TMEM94: variants seen among roughly 807,000 people sequenced by gnomAD.
TMEM94 encodes the protein ER Mg2+ ATPase.
In TMEM94, 81 loss-of-function variants were observed where a neutral mutation model predicts 158.6. The ratio of observed to expected loss-of-function variants is 0.51; its 90% confidence interval spans 0.43 to 0.61. The LOEUF (loss-of-function observed/expected upper bound fraction) is 0.61. Among genes scored for constraint, TMEM94 ranks in the 20% least tolerant of loss-of-function variants. The pLI, the probability that TMEM94 is intolerant of heterozygous loss-of-function variation, is 0.00. For synonymous variants in TMEM94, 751 were observed against 730.7 expected, an observed-to-expected ratio of 1.03 and a Z score of -0.45; for missense variants, 1,435 against 1,762.0, an observed-to-expected ratio of 0.81 and a Z score of 3.32.
In TMEM94 at chr17:75,485,698, C is replaced by T; in HGVS notation, c.144+151C>T. On this transcript the variant is annotated intron_variant, in intron 3 of 31. Coordinates refer to ENST00000314256, the MANE Select transcript of TMEM94 (RefSeq NM_014738.6). This position sits in a 1 kb window ranked among gnomAD's most constrained non-coding sequence, Gnocchi z 5.5. ...ATATCAGAAAGAAGCCAAGGTTCCC[C>T]TCAGAGTGGCTCCTGAGCCTGCTTG... 1 of 1,340,072 alleles carries T rather than the reference C, an allele frequency of 7.5e-7. No individual in the cohort carries two copies. Among genetic ancestry groups the T allele is most frequent in the Non-Finnish European group, 1.0e-6 (1 of 977,654 alleles). The allele number at this position is 1,340,072 out of a possible 1,614,324, so 83.0% of individuals were successfully genotyped here.
At position 75,499,002 on chromosome 17, in the gene TMEM94, C is replaced by T; in HGVS notation, c.3918C>T (p.Pro1306=). Residue 1306 remains proline, a synonymous_variant, in exon 31 of 32, where the codon CCC becomes CCT. Coordinates refer to ENST00000314256, the MANE Select transcript of TMEM94 (RefSeq NM_014738.6). The part of the protein sequence containing the change: ...SHVHFGLEDV[P]LLTWLLGCLS... ...TCCACTTTGGCCTGGAGGACGTGCC[C>T]CTGCTGACATGGCTCCTGGGCTGCC... is the stretch of plus-strand genomic sequence containing the variant. 6.2e-7 allele frequency: 1 copy of T among 1,603,774 alleles called. No homozygotes were observed. Among genetic ancestry groups the T allele is most frequent in the Non-Finnish European group, 8.5e-7 (1 of 1,176,654 alleles).
chr17:75,463,106 GTATA>G (rs1317718088), intron 1 of TMEM94, among the ~76,000 whole-genome samples: 9 of 42,264 alleles, frequency 2.1e-4, no homozygotes, highest in East Asian at 5.7e-4. Context: ...ATATATGTGT[GTATA>G]TATATGTATA....
chr17:75,497,190 T>C lies in TMEM94; in HGVS notation c.3399T>C (p.Pro1133=), dbSNP rs1426658342. The C allele has an allele frequency of 1.2e-6, 2 of 1,613,440 alleles. No homozygotes were observed. Among genetic ancestry groups the C allele is most frequent in the Admixed American group, 3.3e-5 (2 of 59,986 alleles). The change falls in exon 26 of 32, where the codon CCT becomes CCC. Residue 1133 remains proline (P), a synonymous_variant. Transcript: ENST00000314256. The stretch of plus-strand genomic sequence containing the variant: ...TGTGGCTGTCCTGCTTTTGCTACCC[T>C]CTGCTCAGGTGAGATGCCATGTATC... ...DILWLSCFCY[P]LLSISLLGKP... is the part of the protein sequence containing the mutation.
intron 1 of TMEM94, among the ~76,000 whole-genome samples, chr17:75,462,499 TG>T (rs2050112580): frequency 6.6e-6 from 1 of 151,596 alleles, no homozygotes; most frequent in South Asian, 2.1e-4. Context: ...TTCCCTCTAG[TG>T]ATGGGAGCTC....
At chr17:75,490,157 G>A in intron 9 of TMEM94, 77 bp from the exon 10 acceptor site, 1 of 1,568,438 alleles carries the variant, frequency 6.4e-7, no homozygotes, top group Non-Finnish European at 8.6e-7. Context: ...ATGGCCGTGG[G>A]GCCAGGGCAG....
intron 1 of TMEM94, chr17:75,457,433 C>G (rs904343387): frequency 6.6e-6 from 1 of 152,312 alleles, no homozygotes; most frequent in Non-Finnish European, 1.5e-5. Flanking sequence ...CGGCCCCTGC[C>G]CGCTGCCCAG....
Position 75,488,801 on chromosome 17 carries a change from C to T in TMEM94, c.655C>T (p.Pro219Ser), listed in dbSNP as rs765523093. Residue 219 changes from proline (P) to serine (S), a missense_variant, in exon 7 of 32, where the codon CCC becomes TCC. Pro to Ser is a moderately conservative substitution (Grantham distance 74). Coordinates refer to ENST00000314256, the MANE Select transcript of TMEM94 (RefSeq NM_014738.6). ...CCTGGAGCCGGGAGACCTCTTCCCC[C>T]CCTTCTCCCCTCCACCCTCACCCCG... ...IVLEPGDLFPPFSPPPSPRGE... is the reference protein window; with the variant it reads ...IVLEPGDLFPSFSPPPSPRGE... 4.3e-6 allele frequency: 7 copies of T among 1,613,524 alleles called. No homozygotes were observed. Among genetic ancestry groups the T allele is most frequent in the South Asian group, 2.2e-5 (2 of 90,976 alleles).
intron 2 of TMEM94, among the ~76,000 whole-genome samples, chr17:75,482,038 C>A (rs1197701483): frequency 6.6e-6 from 1 of 150,562 alleles, no homozygotes; most frequent in Non-Finnish European, 1.5e-5. Context: ...ATCGAGGCCC[C>A]ATCTCTACAA....
At position 75,471,271 on chromosome 17, in the gene TMEM94, G is replaced by GA. The variant is rs1458455598; in HGVS notation, c.-106-525dup. Among the ~76,000 whole-genome samples the GA allele has an allele frequency of 2.7e-5, 4 of 149,206 alleles. No homozygotes were observed. In the East Asian group the frequency reaches 8.0e-4, roughly 30 times the overall value. ...AAAAAAAAAGAAAGAAAGAAAGAAAGAAAATGAAGGGTGAAAGAGAGAAAG... is the reference window on the plus strand; with the variant it reads ...AAAAAAAAAGAAAGAAAGAAAGAAAGAAAAATGAAGGGTGAAAGAGAGAAAG... On this transcript the variant is annotated intron_variant, in intron 1 of 31. Transcript: ENST00000314256.
intron 1 of TMEM94, chr17:75,459,893 G>T (rs2050009336): frequency 6.6e-6 from 1 of 152,162 alleles, no homozygotes; most frequent in Non-Finnish European, 1.5e-5. Flanking sequence ...TTTCCAAGCA[G>T]GCCTGGGTTT....
At chr17:75,467,721 A>T (rs1237305452) in intron 1 of TMEM94, among the ~76,000 whole-genome samples, 1 of 148,866 alleles carries the variant, frequency 6.7e-6, no homozygotes, top group Non-Finnish European at 1.5e-5. Flanking sequence ...TTTAGTAGAG[A>T]CGGGGTTTCA....
Position 75,498,936 on chromosome 17 carries a change from G to A in TMEM94, c.3852G>A (p.Thr1284=), listed in dbSNP as rs143232832. 1,042 of 1,562,148 alleles carry A rather than the reference G, an allele frequency of 6.7e-4. 6 individuals are homozygous for A. The Middle Eastern group carries it at 9.2e-3, about 14-fold the overall frequency. Residue 1284 remains threonine, a synonymous_variant, in exon 31 of 32, where the codon ACG becomes ACA. Transcript: ENST00000314256. The surrounding 1 kb of genome is among the most constrained non-coding windows in gnomAD (Gnocchi z 6.7). ...PVVLLGQVVQ[T]AVDLQLWTHR... ...GGCTGCTGGGTCAGGTGGTCCAGAC[G>A]GCTGTGGACCTGCAGCTGTGGACAC...
intron 1 of TMEM94, among the ~76,000 whole-genome samples, chr17:75,460,468 T>G (rs2050026990): frequency 6.6e-6 from 1 of 151,884 alleles, no homozygotes; most frequent in African/African-American, 2.4e-5. Flanking sequence ...GAATGTTGCT[T>G]AGCTATAAGG....
chr17:75,478,393 C>T (rs1213431911), intron 2 of TMEM94, among the ~76,000 whole-genome samples: 2 of 151,538 alleles, frequency 1.3e-5, no homozygotes, highest in South Asian at 4.2e-4. Flanking sequence ...GGGACAGGGC[C>T]TGGGGCTTGA....
chr17:75,458,594 T>C (rs1454398810), intron 1 of TMEM94, among the ~76,000 whole-genome samples: 1 of 149,806 alleles, frequency 6.7e-6, no homozygotes, highest in African/African-American at 2.5e-5. Flanking sequence ...GGGAGGTGGA[T>C]GCCAGAGGAT....
chr17:75,462,158 C>T (rs912413637), intron 1 of TMEM94, among the ~76,000 whole-genome samples: 1 of 151,036 alleles, frequency 6.6e-6, no homozygotes, highest in Admixed American at 6.6e-5. Context: ...CTACAGGCGC[C>T]CACCAGCACT....
intron 2 of TMEM94, among the ~76,000 whole-genome samples, chr17:75,482,518 A>G (rs1357266932): frequency 8.6e-6 from 1 of 116,264 alleles, no homozygotes; most frequent in Admixed American, 8.4e-5. Flanking sequence ...ATTTAAAAAT[A>G]TATATATATG....
In TMEM94 at chr17:75,495,278, CCA is replaced by C; in HGVS notation, c.2729-3_2729-2del. On this transcript the variant is annotated splice_polypyrimidine_tract_variant and splice_region_variant and intron_variant, in intron 20 of 31. Transcript: ENST00000314256. This position sits in a 1 kb window ranked among gnomAD's most constrained non-coding sequence, Gnocchi z 5.6. ...CAAGGTGAGGGAGAGGCTTTTGTCCCCACAGTGTCCCGAGATGATGCAGAAGG... is the reference window on the plus strand; with the variant it reads ...CAAGGTGAGGGAGAGGCTTTTGTCCCCAGTGTCCCGAGATGATGCAGAAGG... The C allele has an allele frequency of 6.3e-7, 1 of 1,594,338 alleles. No homozygotes were observed. The highest frequency in any genetic ancestry group is 1.7e-5 in the Admixed American group (1 of 57,672).
intron 6 of TMEM94, 134 bp downstream of exon 6, chr17:75,488,268 T>C: frequency 2.6e-6 from 2 of 768,892 alleles, no homozygotes; most frequent in Non-Finnish European, 4.3e-6. Flanking sequence ...CTGGAACATC[T>C]TCCTCCACCC....
Sources: gnomAD v4.1 joint callset for allele counts (sites outside exome capture counted in the v4.1 genomes callset) on GRCh38, gnomAD v4.1.1 for gene constraint, Gnocchi (gnomAD v3.1) non-coding constraint, MANE v1.5 for transcripts, NCBI Gene and HGNC (gene_info 2026-07-23, HGNC 2026-07-21) for gene names.